Variants in ZNF536 observed in about 807,000 individuals in gnomAD.
The protein encoded by ZNF536 is zinc finger protein 536.
In ZNF536, 13 loss-of-function variants were observed where a neutral mutation model predicts 84.5. The ratio of observed to expected loss-of-function variants is 0.15; its 90% CI spans 0.10 to 0.24. ZNF536 has a LOEUF of 0.24. Ranked by LOEUF, ZNF536 falls within the 10% of genes least tolerant of loss-of-function variation. The pLI is 1.00. For missense variants in ZNF536, 1,536 were observed against 1,747.5 expected, an observed-to-expected ratio of 0.88 and a Z score of 2.16; for synonymous variants, 811 against 742.5, an observed-to-expected ratio of 1.09 and a Z score of -1.50.
At chr19:30,500,393 G>A (rs956072642) in intron 2 of ZNF536, among the ~76,000 whole-genome samples, 1 of 152,196 alleles carries the variant, frequency 6.6e-6, no homozygotes, top group African/African-American at 2.4e-5. Flanking sequence ...CTCACTCCTG[G>A]TTCTAGAATC....
chr19:30,248,015 C>T (rs1027311513), intron 1 of ZNF536, among the ~76,000 whole-genome samples: 2 of 152,144 alleles, frequency 1.3e-5, no homozygotes, highest in Non-Finnish European at 2.9e-5. Flanking sequence ...GTGCAGACAG[C>T]GGCATCAGGA....
At position 30,557,703 on chromosome 19, in the gene ZNF536, G is replaced by T. The variant is rs547555688; in HGVS notation, c.*539G>T. ...TATTGCTAGTTTAATATTGTGTCAG[G>T]TCGTCCTATTAACCAGGAGCAGATG... On this transcript the variant is annotated 3_prime_UTR_variant, in exon 5 of 5. Coordinates refer to ENST00000355537, the MANE Select transcript of ZNF536 (RefSeq NM_014717.3). The T allele has an allele frequency of 1.3e-5, 2 of 152,420 alleles. No individual in the cohort carries two copies. The highest frequency in any genetic ancestry group is 4.8e-5 in the African/African-American group (2 of 41,562). 9.4% of individuals were successfully genotyped at this position (152,420 alleles called of 1,614,324 possible). A position where few individuals can be genotyped will look rare whatever the true frequency, so the allele number is the denominator to read the frequency against.
intron 1 of ZNF536, among the ~76,000 whole-genome samples, chr19:30,260,653 C>G (rs2025159330): frequency 6.6e-6 from 1 of 152,244 alleles, no homozygotes; most frequent in Non-Finnish European, 1.5e-5. Flanking sequence ...GAGAGTCCTT[C>G]TCTAGGTTGG....
intron 2 of ZNF536, among the ~76,000 whole-genome samples, chr19:30,321,565 T>A (rs1320229674): frequency 6.6e-6 from 1 of 151,802 alleles, no homozygotes; most frequent in African/African-American, 2.4e-5. Context: ...CTTAAAAAAA[T>A]AAATAAATAA....
chr19:30,284,966 C>T (rs1230923095), intron 2 of ZNF536, among the ~76,000 whole-genome samples: 2 of 152,102 alleles, frequency 1.3e-5, no homozygotes, highest in African/African-American at 4.8e-5. Flanking sequence ...TTGATTTTTA[C>T]ACAACAGTTA....
intron 1 of ZNF536, among the ~76,000 whole-genome samples, chr19:30,422,700 C>G (rs1372305300): frequency 6.6e-6 from 1 of 152,072 alleles, no homozygotes; most frequent in Non-Finnish European, 1.5e-5. Context: ...TCCTTCTATC[C>G]TTCTATTTAG....
intron 1 of ZNF536, among the ~76,000 whole-genome samples, chr19:30,639,941 A>T (rs2049203987): frequency 6.6e-6 from 1 of 152,162 alleles, no homozygotes; most frequent in Non-Finnish European, 1.5e-5. Flanking sequence ...ACACCTTGAA[A>T]TTATTTATAT....
chr19:30,481,659 T>C (rs2144864053), intron 2 of ZNF536, among the ~76,000 whole-genome samples: 1 of 152,336 alleles, frequency 6.6e-6, no homozygotes, highest in South Asian at 2.1e-4. Context: ...TTAAAAATTT[T>C]GTTGATTGAT....
intron 2 of ZNF536, among the ~76,000 whole-genome samples, chr19:30,497,484 T>C (rs981992843): frequency 6.6e-6 from 1 of 152,214 alleles, no homozygotes; most frequent in Non-Finnish European, 1.5e-5. Context: ...CCATGTTTTC[T>C]TCCCTTTTAT....
At chr19:30,512,020 C>T (rs958978857) in intron 2 of ZNF536, among the ~76,000 whole-genome samples, 41 of 152,164 alleles carry the variant, frequency 2.7e-4, no homozygotes, top group Non-Finnish European at 5.4e-4. Context: ...GTATCATCTA[C>T]GTGCAAACTT....
At chr19:30,268,812 C>T (rs896828089) in intron 1 of ZNF536, among the ~76,000 whole-genome samples, 11 of 152,182 alleles carry the variant, frequency 7.2e-5, no homozygotes, top group African/African-American at 1.9e-4. Context: ...ATGTTCTGTG[C>T]TTCTGCAAGC....
At chr19:30,335,472 G>A (rs114096069) in intron 2 of ZNF536, among the ~76,000 whole-genome samples, 2,423 of 152,188 alleles carry the variant, frequency 0.016, 71 homozygotes, top group African/African-American at 0.055. Flanking sequence ...GGGAGGCCTG[G>A]CACGCCCACC....
intron 2 of ZNF536, among the ~76,000 whole-genome samples, chr19:30,510,905 C>T (rs529596486): frequency 6.6e-6 from 1 of 152,298 alleles, no homozygotes; most frequent in East Asian, 1.9e-4. Context: ...CTTGGCAGGA[C>T]CTGTGTCTGC....
At chr19:30,624,866 G>A (rs2048616819) in intron 1 of ZNF536, among the ~76,000 whole-genome samples, 2 of 152,154 alleles carry the variant, frequency 1.3e-5, no homozygotes, top group Non-Finnish European at 2.9e-5. Context: ...TAGTGAGTGA[G>A]TTTTCATGAG....
chr19:30,394,263 G>T (rs1466498342), intron 1 of ZNF536, among the ~76,000 whole-genome samples: 2 of 152,146 alleles, frequency 1.3e-5, no homozygotes, highest in Non-Finnish European at 2.9e-5. Context: ...TCTGAAGCCA[G>T]TCCAACAGGT....
At chr19:30,494,046 T>C (rs2054616727) in intron 2 of ZNF536, among the ~76,000 whole-genome samples, 1 of 152,126 alleles carries the variant, frequency 6.6e-6, no homozygotes, top group Admixed American at 6.5e-5. Context: ...TGTTTGCCCA[T>C]CCCTCTCATT....
At chr19:30,651,166 G>T (rs796382363) in intron 1 of ZNF536, among the ~76,000 whole-genome samples, 20 of 152,280 alleles carry the variant, frequency 1.3e-4, no homozygotes, top group African/African-American at 4.3e-4. Context: ...GGGTTAGGTG[G>T]GGTCCTGGAG....
At chr19:30,466,378 CAA>C (rs71173905) in intron 2 of ZNF536, among the ~76,000 whole-genome samples, 43,042 of 136,014 alleles carry the variant, frequency 0.32, 7,361 homozygotes, top group African/African-American at 0.5. Flanking sequence ...TCCATTGCTG[CAA>C]AAAAAAAAAA....
chr19:30,414,084 ACT>A (rs2050611373), intron 1 of ZNF536, among the ~76,000 whole-genome samples: 1 of 85,374 alleles, frequency 1.2e-5, no homozygotes, highest in South Asian at 5.2e-4. Context: ...ACAGTGAGAG[ACT>A]CTGTCTCAAA....
Sources: allele counts gnomAD v4.1 joint callset (sites outside exome capture counted in the v4.1 genomes callset), GRCh38; gene constraint gnomAD v4.1.1; transcripts MANE v1.5; gene names NCBI Gene and HGNC (gene_info 2026-07-23, HGNC 2026-07-21).